Variants in LRRC4C observed in about 807,000 individuals in gnomAD.
LRRC4C encodes leucine-rich repeat-containing protein 4C.
A neutral mutation model predicts 33.6 loss-of-function variants in LRRC4C; 5 were observed. That is an observed-to-expected ratio of 0.15 (90% CI 0.08 to 0.31). The LOEUF (loss-of-function observed/expected upper bound fraction) is 0.31, where lower values mean the gene tolerates loss of function less well. Among genes scored for constraint, LRRC4C ranks in the 10% least tolerant of loss-of-function variants. The probability of loss-of-function intolerance (pLI) is 1.00; values close to 1 mark genes in which losing one functional copy is unlikely to be tolerated. For missense variants in LRRC4C, 560 were observed against 796.7 expected, an observed-to-expected ratio of 0.70 and a Z score of 3.58; for synonymous variants, 329 against 302.0, an observed-to-expected ratio of 1.09 and a Z score of -0.93.
intron 3 of LRRC4C, among the ~76,000 whole-genome samples, chr11:40,491,713 G>A (rs1054278319): frequency 1.8e-4 from 28 of 152,226 alleles, no homozygotes; most frequent in Non-Finnish European, 1.5e-4. Flanking sequence ...CTGCTAGAAC[G>A]TGCTTCCTAT....
chr11:41,449,130 T>G (rs1407547534), intron 1 of LRRC4C, among the ~76,000 whole-genome samples: 1 of 152,134 alleles, frequency 6.6e-6, no homozygotes, highest in Non-Finnish European at 1.5e-5. Context: ...GCAGAAGCAT[T>G]GCCTCTAATT....
intron 3 of LRRC4C, among the ~76,000 whole-genome samples, chr11:40,323,455 C>A (rs1437682630): frequency 6.6e-6 from 1 of 152,116 alleles, no homozygotes; most frequent in Non-Finnish European, 1.5e-5. Context: ...ATTGACTCAC[C>A]TTCATAGTTT....
intron 1 of LRRC4C, among the ~76,000 whole-genome samples, chr11:41,289,354 C>G (rs1949927871): frequency 6.6e-6 from 1 of 152,046 alleles, no homozygotes; most frequent in Admixed American, 6.5e-5. Context: ...ATACTGTAAC[C>G]TTTAAAGAAT....
chr11:40,266,961 C>CCA (rs1333299751), intron 4 of LRRC4C, among the ~76,000 whole-genome samples: 2 of 132,028 alleles, frequency 1.5e-5, no homozygotes, highest in African/African-American at 2.8e-5. Flanking sequence ...ACCCACCCAC[C>CCA]CACACACACA....
intron 2 of LRRC4C, among the ~76,000 whole-genome samples, chr11:40,851,195 C>T (rs1046530345): frequency 6.6e-6 from 1 of 151,930 alleles, no homozygotes; most frequent in African/African-American, 2.4e-5. Flanking sequence ...AAAAAACCCT[C>T]CTGCAGCTAG....
At chr11:41,403,398 A>G (rs1954098398) in intron 1 of LRRC4C, among the ~76,000 whole-genome samples, 1 of 152,086 alleles carries the variant, frequency 6.6e-6, no homozygotes, top group African/African-American at 2.4e-5. Flanking sequence ...AGGTCTGTAT[A>G]TATAGACATA....
In LRRC4C at chr11:41,087,106, G is replaced by A. The variant is rs182045836; in HGVS notation, c.-495-153383C>T. The stretch of plus-strand genomic sequence containing the variant: ...CACCATCTCATTACTGTCACAAACC[G>A]GAAATCTGGACATCACCCTTAACAG... On this transcript the variant is annotated intron_variant, in intron 1 of 6. Coordinates refer to ENST00000528697, the MANE Select transcript of LRRC4C (RefSeq NM_001258419.2). Among the ~76,000 whole-genome samples, 250 of 152,042 alleles carry A rather than the reference G, an allele frequency of 1.6e-3. 1 individual carries two copies. The highest frequency in any genetic ancestry group is 7.7e-3 in the South Asian group (37 of 4,814).
intron 1 of LRRC4C, among the ~76,000 whole-genome samples, chr11:40,950,168 T>C (rs1240246951): frequency 6.6e-6 from 1 of 151,424 alleles, no homozygotes; most frequent in Non-Finnish European, 1.5e-5. Flanking sequence ...ATAAGAGCAC[T>C]GACATGAAAG....
At chr11:40,804,590 AT>A (rs1419427302) in intron 2 of LRRC4C, among the ~76,000 whole-genome samples, 4 of 152,162 alleles carry the variant, frequency 2.6e-5, no homozygotes, top group African/African-American at 4.8e-5. Context: ...TCCACTGTGT[AT>A]TACGTTCCCC....
At chr11:40,264,624 T>G (rs1942112405) in intron 4 of LRRC4C, among the ~76,000 whole-genome samples, 1 of 152,220 alleles carries the variant, frequency 6.6e-6, no homozygotes, top group Non-Finnish European at 1.5e-5. Flanking sequence ...AAGCCAAGTC[T>G]TCAACCTGGT....
At chr11:41,210,209 C>T (rs879333974) in intron 1 of LRRC4C, among the ~76,000 whole-genome samples, 1 of 152,184 alleles carries the variant, frequency 6.6e-6, no homozygotes, top group Non-Finnish European at 1.5e-5. Flanking sequence ...ACCATTATAA[C>T]TGATATGGTT....
intron 1 of LRRC4C, among the ~76,000 whole-genome samples, chr11:41,191,507 T>C (rs972046266): frequency 6.6e-6 from 1 of 152,158 alleles, no homozygotes; most frequent in African/African-American, 2.4e-5. Context: ...GTTTCTATCA[T>C]TACTGCCAAA....
At chr11:40,684,923 T>C (rs970602053) in intron 2 of LRRC4C, among the ~76,000 whole-genome samples, 1 of 152,024 alleles carries the variant, frequency 6.6e-6, no homozygotes, top group African/African-American at 2.4e-5. Context: ...TAGAAGAAGA[T>C]ATTTTCAAAA....
At chr11:40,932,628 T>C (rs535846809) in intron 2 of LRRC4C, among the ~76,000 whole-genome samples, 3 of 152,258 alleles carry the variant, frequency 2.0e-5, no homozygotes, top group African/African-American at 4.8e-5. Flanking sequence ...TATGAGGGAT[T>C]ATTTTGGAAA....
rs1034540516 is a variant in LRRC4C at position 40,933,737 on chromosome 11, A to G, written c.-495-14T>C. The G allele has an allele frequency of 3.3e-5, 5 of 152,226 alleles. No homozygotes were observed. In the East Asian group the frequency reaches 9.6e-4, roughly 29 times the overall value. 9.4% of individuals were successfully genotyped at this position (152,226 alleles called of 1,614,324 possible). The stretch of plus-strand genomic sequence containing the variant: ...AGAGAACCATTTCTAGAAAAGACAT[A>G]CGATTAAAACATGGCATTACATTTA... On this transcript the variant is annotated splice_polypyrimidine_tract_variant and intron_variant, in intron 1 of 6. Transcript: ENST00000528697.
intron 3 of LRRC4C, among the ~76,000 whole-genome samples, chr11:40,394,847 C>G (rs1435041124): frequency 6.6e-6 from 1 of 152,086 alleles, no homozygotes; most frequent in African/African-American, 2.4e-5. Context: ...TTACATGAAA[C>G]TACGATTTTC....
chr11:40,954,274 A>C (rs894897133), intron 1 of LRRC4C, among the ~76,000 whole-genome samples: 22 of 152,078 alleles, frequency 1.4e-4, no homozygotes, highest in African/African-American at 5.1e-4. Context: ...ATCTTGGAAT[A>C]AATAAATCTA....
intron 3 of LRRC4C, among the ~76,000 whole-genome samples, chr11:40,533,025 C>A (rs899379935): frequency 3.9e-5 from 6 of 152,034 alleles, no homozygotes; most frequent in Non-Finnish European, 1.5e-5. Context: ...GCAAACCAAC[C>A]CCCTGATTCA....
intron 1 of LRRC4C, among the ~76,000 whole-genome samples, chr11:41,146,373 C>T (rs984888293): frequency 6.6e-6 from 1 of 152,172 alleles, no homozygotes; most frequent in African/African-American, 2.4e-5. Flanking sequence ...GGTTCATTCC[C>T]TCTCATTGCA....
Sources: allele counts gnomAD v4.1 joint callset (sites outside exome capture counted in the v4.1 genomes callset), GRCh38; gene constraint gnomAD v4.1.1; transcripts MANE v1.5; gene names NCBI Gene and HGNC (gene_info 2026-07-23, HGNC 2026-07-21).